WDPCP: variants seen among roughly 807,000 people sequenced by gnomAD.
WDPCP encodes WD repeat containing planar cell polarity effector, also known as WD repeat-containing and planar cell polarity effector protein fritz homolog.
In WDPCP, 71 loss-of-function variants were observed where a neutral mutation model predicts 93.1. The ratio of observed to expected loss-of-function variants is 0.76; its 90% CI spans 0.63 to 0.93. WDPCP has a LOEUF of 0.93. Ranked by LOEUF, WDPCP falls within the 40% of genes least tolerant of loss-of-function variation. The pLI is 0.00. For missense variants in WDPCP, 844 were observed against 887.4 expected, an observed-to-expected ratio of 0.95 and a Z score of 0.62; for synonymous variants, 315 against 315.0, an observed-to-expected ratio of 1.00 and a Z score of 0.00.
chr2:63,409,762 T>A (rs1197500157), intron 9 of WDPCP, among the ~76,000 whole-genome samples: 1 of 152,126 alleles, frequency 6.6e-6, no homozygotes. Flanking sequence ...CTGTGGAAAG[T>A]ATCAGCGATA....
chr2:63,624,553 C>T (rs929860353), intron 3 of WDPCP, among the ~76,000 whole-genome samples: 1 of 152,200 alleles, frequency 6.6e-6, no homozygotes, highest in East Asian at 1.9e-4. Flanking sequence ...CTATAAACAT[C>T]TCTGTGTAAA....
At chr2:63,776,715 C>G (rs1670308579) in intron 2 of WDPCP, among the ~76,000 whole-genome samples, 1 of 144,348 alleles carries the variant, frequency 6.9e-6, no homozygotes, top group Non-Finnish European at 1.5e-5. Flanking sequence ...GAAAGATGTT[C>G]AACATCATTA....
At chr2:63,477,009 G>T (rs1004565291) in intron 6 of WDPCP, among the ~76,000 whole-genome samples, 1 of 152,012 alleles carries the variant, frequency 6.6e-6, no homozygotes, top group African/African-American at 2.4e-5. Context: ...TGGAAACCAT[G>T]GTACAGCTGA....
chr2:63,783,088 A>G (rs1485841186), intron 2 of WDPCP, among the ~76,000 whole-genome samples: 1 of 152,072 alleles, frequency 6.6e-6, no homozygotes, highest in Non-Finnish European at 1.5e-5. Context: ...ACTCCTGGGT[A>G]TCTACTCAAA....
chr2:63,448,220 C>T (rs575253133), intron 6 of WDPCP, among the ~76,000 whole-genome samples: 10 of 152,152 alleles, frequency 6.6e-5, no homozygotes, highest in Admixed American at 3.9e-4. Flanking sequence ...CACACTCAAC[C>T]GTTGCCCTTT....
chr2:63,325,534 C>G (rs1687466598), intron 12 of WDPCP, among the ~76,000 whole-genome samples: 1 of 152,214 alleles, frequency 6.6e-6, no homozygotes. Flanking sequence ...GTGTGGCCTT[C>G]TCAGTGTTAA....
At chr2:63,263,743 CATACAGGA>C (rs771680428) in intron 13 of WDPCP, among the ~76,000 whole-genome samples, 10 of 152,150 alleles carry the variant, frequency 6.6e-5, no homozygotes, top group Non-Finnish European at 1.2e-4. Context: ...TAGGCTAGCA[CATACAGGA>C]ATAATGGACA....
intron 17 of WDPCP, among the ~76,000 whole-genome samples, chr2:63,138,475 A>T: frequency 7.1e-6 from 1 of 140,980 alleles, no homozygotes. Context: ...TTTTTTTGAG[A>T]CGGAGTCTCG....
chr2:63,810,547 G>A (rs1315749449), intron 2 of WDPCP, among the ~76,000 whole-genome samples: 1 of 152,130 alleles, frequency 6.6e-6, no homozygotes, highest in African/African-American at 2.4e-5. Context: ...AGAACAGTGG[G>A]AGTCAAGTTT....
intron 1 of WDPCP, among the ~76,000 whole-genome samples, chr2:63,565,632 T>C (rs1267326597): frequency 1.3e-5 from 2 of 152,162 alleles, no homozygotes; most frequent in Admixed American, 1.3e-4. Flanking sequence ...ACTATATTGA[T>C]AGATAATCTT....
intron 6 of WDPCP, among the ~76,000 whole-genome samples, chr2:63,463,269 A>G (rs1039796951): frequency 6.6e-5 from 10 of 152,168 alleles, no homozygotes; most frequent in African/African-American, 2.4e-4. Context: ...GGTTTTCTAC[A>G]ACCTTAGTGG....
intron 6 of WDPCP, among the ~76,000 whole-genome samples, chr2:63,482,405 GA>G (rs1558692702): frequency 6.6e-6 from 1 of 151,870 alleles, no homozygotes; most frequent in African/African-American, 2.4e-5. Flanking sequence ...GTTATCTCTG[GA>G]ACCACCATAC....
Position 63,225,265 on chromosome 2 carries a change from C to T in WDPCP, c.1915+34042G>A, listed in dbSNP as rs10166960. ...AGAAGGCAAAAGTCTTGAAAGGGCA[C>T]CTCACAAAAGATATATCCAAATTCC... is the stretch of plus-strand genomic sequence containing the variant. On this transcript the variant is annotated intron_variant, in intron 14 of 17. Coordinates refer to ENST00000272321, the MANE Select transcript of WDPCP (RefSeq NM_015910.7). 8.6e-4 allele frequency among the ~76,000 whole-genome samples: 131 copies of T among 151,742 alleles called. No individual in the cohort carries two copies. In the Middle Eastern group the frequency reaches 0.01, roughly 12 times the overall value.
In WDPCP at chr2:63,381,283, T is replaced by A. The variant is rs1052199084; in HGVS notation, c.1624+623A>T. Among the ~76,000 whole-genome samples, 4 of 152,112 alleles carry A rather than the reference T, an allele frequency of 2.6e-5. No homozygotes were observed. The East Asian group carries it at 7.7e-4, about 29-fold the overall frequency. ...TTCCCCACTGCCCCACCCCCTGACC[T>A]TAGTTTTTTTACCTTCTCTTTTAAA... On this transcript the variant is annotated intron_variant, in intron 11 of 17. Coordinates refer to ENST00000272321, the MANE Select transcript of WDPCP (RefSeq NM_015910.7).
intron 6 of WDPCP, among the ~76,000 whole-genome samples, chr2:63,478,646 C>G (rs1033848338): frequency 1.3e-5 from 2 of 152,074 alleles, no homozygotes; most frequent in Non-Finnish European, 2.9e-5. Context: ...AATAGTGACT[C>G]AGCCTATCAA....
chr2:63,682,877 A>T (rs1224686741), intron 2 of WDPCP, among the ~76,000 whole-genome samples: 1 of 146,402 alleles, frequency 6.8e-6, no homozygotes, highest in Non-Finnish European at 1.5e-5. Context: ...AAAAACAATA[A>T]CTATAACAAC....
chr2:63,366,522 TTATC>T (rs58522539), intron 12 of WDPCP, among the ~76,000 whole-genome samples: 9 of 151,420 alleles, frequency 5.9e-5, no homozygotes, highest in Non-Finnish European at 8.9e-5. Context: ...TGTGCCCTTA[TTATC>T]TATCTATCTT....
intron 2 of WDPCP, chr2:63,717,033 T>G (rs1023852953): frequency 4.2e-6 from 1 of 239,802 alleles, no homozygotes; most frequent in African/African-American, 2.3e-5. Flanking sequence ...ACTTCATCGG[T>G]ATGACCTCTG....
chr2:63,260,325 T>TTGAAA (rs1681519808), intron 13 of WDPCP, among the ~76,000 whole-genome samples: 1 of 152,198 alleles, frequency 6.6e-6, no homozygotes, highest in African/African-American at 2.4e-5. Flanking sequence ...GAAAATTTTA[T>TTGAAA]TGAAATAAAA....
Sources: allele counts gnomAD v4.1 joint callset (sites outside exome capture counted in the v4.1 genomes callset), GRCh38; gene constraint gnomAD v4.1.1; transcripts MANE v1.5; gene names NCBI Gene and HGNC (gene_info 2026-07-23, HGNC 2026-07-21).